Variants in SFI1 observed in about 807,000 individuals in gnomAD.
The protein encoded by SFI1 is protein SFI1 homolog.
SFI1 carries 195 observed loss-of-function variants against 207.5 expected under a neutral mutation model. The ratio of observed to expected loss-of-function variants is 0.94; its 90% confidence interval spans 0.84 to 1.06. The LOEUF is 1.06. Among genes scored for constraint, SFI1 ranks in the 50% least tolerant of loss-of-function variants. SFI1 has a pLI of 0.00. For missense variants in SFI1, 1,634 were observed against 1,588.0 expected (o/e 1.03, Z -0.49); for synonymous variants, 630 against 598.9 (o/e 1.05, Z -0.76).
At chr22:31,546,762 C>A in intron 4 of SFI1, 99 bp from the exon 5 acceptor site, 2 of 762,312 alleles carry the variant, frequency 2.6e-6, no homozygotes, top group Non-Finnish European at 2.0e-6. Flanking sequence ...CCACCACGCC[C>A]GGCTGTACTT....
intron 14 of SFI1, among the ~76,000 whole-genome samples, chr22:31,588,421 G>A (rs2065321011): frequency 6.6e-6 from 1 of 152,188 alleles, no homozygotes; most frequent in Non-Finnish European, 1.5e-5. Context: ...TGTGCTATTG[G>A]TCAGAGCAGT....
At position 31,543,742 on chromosome 22, in the gene SFI1, G is replaced by A. The variant is rs150883179; in HGVS notation, c.339-3119G>A. On this transcript the variant is annotated intron_variant, in intron 4 of 32. Coordinates refer to ENST00000400288, the MANE Select transcript of SFI1 (RefSeq NM_001007467.3). ...GGAGAATCCTTTGAACCTAGGAGGC[G>A]GAGCTTGCAGTGAGCCAAGATCGCG... Among the ~76,000 whole-genome samples, 795 of 151,732 alleles carry A rather than the reference G, an allele frequency of 5.2e-3. 3 individuals carry two copies. Among genetic ancestry groups the A allele is most frequent in the Non-Finnish European group, 9.3e-3 (633 of 67,918 alleles).
At position 31,546,918 on chromosome 22, in the gene SFI1, G is replaced by T; in HGVS notation, c.396G>T (p.Trp132Cys). The T allele has an allele frequency of 1.2e-6, 2 of 1,612,608 alleles. No individual in the cohort carries two copies. Among genetic ancestry groups the T allele is most frequent in the South Asian group, 1.1e-5 (1 of 90,594 alleles). Residue 132 changes from tryptophan to cysteine, a missense_variant, in exon 5 of 33, where the codon TGG (tryptophan) becomes TGT (cysteine). Physicochemically the swap from Trp to Cys is radical, Grantham distance 215. Coordinates refer to ENST00000400288, the MANE Select transcript of SFI1 (RefSeq NM_001007467.3). ...RKVFEEWKEEWWVFQHEWKLC... is the reference protein window; with the variant it reads ...RKVFEEWKEECWVFQHEWKLC... ...TCTTCGAAGAATGGAAAGAGGAGTG[G>T]TGGGTTTTCCAGCACGAGTGGAAAC...
intron 6 of SFI1, among the ~76,000 whole-genome samples, chr22:31,554,328 A>T (rs532715282): frequency 1.3e-5 from 2 of 151,210 alleles, no homozygotes; most frequent in African/African-American, 4.9e-5. Flanking sequence ...TTAAATTTTG[A>T]GATGGAGTCT....
chr22:31,557,518 T>G (rs1394406972), intron 7 of SFI1, among the ~76,000 whole-genome samples: 1 of 152,176 alleles, frequency 6.6e-6, no homozygotes, highest in Non-Finnish European at 1.5e-5. Flanking sequence ...TTGAACATAG[T>G]TGATGCCTAA....
At chr22:31,552,654 T>G (rs568851474) in intron 6 of SFI1, among the ~76,000 whole-genome samples, 1 of 152,264 alleles carries the variant, frequency 6.6e-6, no homozygotes, top group African/African-American at 2.4e-5. Flanking sequence ...AGGTGTCTTT[T>G]TAATATAATA....
At chr22:31,596,732 C>A (rs771725361) in intron 15 of SFI1, among the ~76,000 whole-genome samples, 1 of 144,624 alleles carries the variant, frequency 6.9e-6, no homozygotes, top group African/African-American at 2.6e-5. Flanking sequence ...TGCAGTGAGC[C>A]GAGATCGCAC....
intron 12 of SFI1, among the ~76,000 whole-genome samples, chr22:31,583,612 T>C (rs1230536911): frequency 6.6e-6 from 1 of 152,240 alleles, no homozygotes; most frequent in Non-Finnish European, 1.5e-5. Context: ...AATGGCTTTC[T>C]AAAATGTCAT....
chr22:31,596,281 C>T (rs922236537), intron 15 of SFI1, among the ~76,000 whole-genome samples: 4 of 151,742 alleles, frequency 2.6e-5, no homozygotes, highest in African/African-American at 9.7e-5. Context: ...CTCTCTCTAT[C>T]TATCTGTCTA....
chr22:31,604,433 T>G, intron 19 of SFI1, 29 bp downstream of exon 19: 1 of 1,474,198 alleles, frequency 6.8e-7, no homozygotes, highest in Non-Finnish European at 9.0e-7. Flanking sequence ...CTCCTGATCT[T>G]GCTGTGGGGA....
At chr22:31,529,509 G>A (rs1259148599) in intron 3 of SFI1, among the ~76,000 whole-genome samples, 1 of 152,188 alleles carries the variant, frequency 6.6e-6, no homozygotes, top group African/African-American at 2.4e-5. Context: ...CTGGGCGAGA[G>A]TGAGACTCTG....
chr22:31,545,851 T>A (rs2060031246), intron 4 of SFI1, among the ~76,000 whole-genome samples: 1 of 150,346 alleles, frequency 6.7e-6, no homozygotes, highest in Non-Finnish European at 1.5e-5. Flanking sequence ...AGTGCTGGGA[T>A]TGCAGGTGTG....
At chr22:31,582,728 C>T (rs1271438369) in intron 12 of SFI1, among the ~76,000 whole-genome samples, 1 of 152,116 alleles carries the variant, frequency 6.6e-6, no homozygotes, top group African/African-American at 2.4e-5. Flanking sequence ...CCTCTTTCCT[C>T]AGCCCCTGGA....
chr22:31,564,852 C>T (rs1246144632), intron 8 of SFI1, among the ~76,000 whole-genome samples: 4 of 117,530 alleles, frequency 3.4e-5, no homozygotes, highest in East Asian at 2.8e-4. Flanking sequence ...CTTGCTCTGT[C>T]GCCCAGGCTG....
chr22:31,561,181 A>G (rs16989278), intron 7 of SFI1, 109 bp from the exon 8 acceptor site: 36,451 of 817,144 alleles, frequency 0.045, 911 homozygotes, highest in African/African-American at 0.056. Context: ...AGATGGTACT[A>G]TGAAGGAGAG....
intron 15 of SFI1, among the ~76,000 whole-genome samples, chr22:31,596,331 A>G (rs1209718650): frequency 1.3e-5 from 2 of 152,168 alleles, no homozygotes; most frequent in Non-Finnish European, 2.9e-5. Flanking sequence ...GAGGTTAGCC[A>G]GAACTCTGGC....
At chr22:31,575,439 C>T in intron 10 of SFI1, 47 bp downstream of exon 10, 3 of 1,516,108 alleles carry the variant, frequency 2.0e-6, no homozygotes, top group Admixed American at 4.1e-5. Flanking sequence ...GCCAGGACAG[C>T]ATGAGCTCAG....
chr22:31,501,098 A>T (rs1056852812), intron 1 of SFI1, among the ~76,000 whole-genome samples: 1 of 151,674 alleles, frequency 6.6e-6, no homozygotes, highest in Non-Finnish European at 1.5e-5. Flanking sequence ...TGCCCGGCCA[A>T]ATATTTTTAA....
intron 10 of SFI1, 91 bp from the exon 11 acceptor site, chr22:31,578,291 G>T (rs1171675238): frequency 1.2e-5 from 15 of 1,285,978 alleles, no homozygotes; most frequent in South Asian, 1.7e-5. Context: ...TGTTATCCCC[G>T]ATAGCCACGG....
Sources: gnomAD v4.1 joint callset for allele counts (sites outside exome capture counted in the v4.1 genomes callset) on GRCh38, gnomAD v4.1.1 for gene constraint, MANE v1.5 for transcripts, NCBI Gene and HGNC (gene_info 2026-07-23, HGNC 2026-07-21) for gene names.